The following CCBE1 variants were observed in gnomAD, a reference collection of about 807,000 sequenced individuals.
CCBE1 encodes the protein collagen and calcium-binding EGF domain-containing protein 1.
CCBE1 carries 37 observed loss-of-function variants against 50.0 expected under a neutral mutation model. The observed-to-expected ratio is 0.74, with a 90% confidence interval of 0.57 to 0.97. The LOEUF (loss-of-function observed/expected upper bound fraction) is 0.97. Among genes scored for constraint, CCBE1 ranks in the 50% least tolerant of loss-of-function variants. The pLI is 0.00. For missense variants in CCBE1, 538 were observed against 523.8 expected (o/e 1.03, Z -0.26); for synonymous variants, 234 against 203.7 (o/e 1.15, Z -1.27).
Position 59,543,317 on chromosome 18 carries a change from T to C in CCBE1, c.213-63079A>G, listed in dbSNP as rs996706862. ...CAGGCCTCTGCAAACATTCATTAAA[T>C]ATTATTTAGGGAAAGTTTTCAGTGA... On this transcript the variant is annotated intron_variant, in intron 2 of 10. Coordinates refer to ENST00000439986, the MANE Select transcript of CCBE1 (RefSeq NM_133459.4). Among the ~76,000 whole-genome samples the C allele has an allele frequency of 5.3e-5, 8 of 152,324 alleles. No homozygotes were observed. In the East Asian group the frequency reaches 7.7e-4, roughly 15 times the overall value.
At chr18:59,587,671 C>A (rs1040254343) in intron 2 of CCBE1, among the ~76,000 whole-genome samples, 10 of 152,122 alleles carry the variant, frequency 6.6e-5, no homozygotes, top group Non-Finnish European at 1.2e-4. Flanking sequence ...TCTATCGCCA[C>A]TCCTATTCAG....
rs1555710567 is a variant in CCBE1 at position 59,693,005 on chromosome 18, A to AC, written c.212+3623_212+3624insG. On this transcript the variant is annotated intron_variant, in intron 2 of 10. Transcript: ENST00000439986. The stretch of plus-strand genomic sequence containing the variant: ...ACACACACACACACACACACACACA[A>AC]ACAAAAAACGCAAAGCCAAACCTAT... Among the ~76,000 whole-genome samples, 17 of 142,136 alleles carry AC rather than the reference A, an allele frequency of 1.2e-4. No individual in the cohort carries two copies. The South Asian group carries it at 2.2e-3, about 18-fold the overall frequency. The allele number at this position is 142,136 out of a possible 152,430, so 93.2% of individuals were successfully genotyped here.
chr18:59,500,353 A>G (rs1913559325), intron 2 of CCBE1, among the ~76,000 whole-genome samples: 1 of 152,160 alleles, frequency 6.6e-6, no homozygotes. Context: ...TTGACCCTCA[A>G]AGCAGTGGGA....
chr18:59,486,753 C>G (rs1271581818), intron 2 of CCBE1, among the ~76,000 whole-genome samples: 1 of 152,174 alleles, frequency 6.6e-6, no homozygotes, highest in African/African-American at 2.4e-5. Context: ...AGAAGGAAGA[C>G]TTCCATCTTT....
At chr18:59,690,687 C>T (rs1404736307) in intron 2 of CCBE1, among the ~76,000 whole-genome samples, 1 of 152,170 alleles carries the variant, frequency 6.6e-6, no homozygotes, top group African/African-American at 2.4e-5. Flanking sequence ...GAAAGAGCAG[C>T]CTTTTGTGGT....
intron 6 of CCBE1, among the ~76,000 whole-genome samples, chr18:59,453,511 G>A (rs1321651902): frequency 1.3e-5 from 2 of 152,164 alleles, no homozygotes; most frequent in African/African-American, 4.8e-5. Flanking sequence ...ACATGTTTCT[G>A]TTAAGCAGAT....
upstream of CCBE1, chr18:59,697,438 G>A (rs1046766995): frequency 2.0e-6 from 3 of 1,479,086 alleles, no homozygotes; most frequent in Admixed American, 4.4e-5. Context: ...TTCCCGGCAG[G>A]GGGCGCCGGA....
chr18:59,509,464 T>G (rs1044107217), intron 2 of CCBE1, among the ~76,000 whole-genome samples: 1 of 152,210 alleles, frequency 6.6e-6, no homozygotes, highest in Non-Finnish European at 1.5e-5. Context: ...TTATTCTGAT[T>G]GTTGTGCATT....
intron 2 of CCBE1, among the ~76,000 whole-genome samples, chr18:59,539,392 C>A (rs1446748428): frequency 6.6e-6 from 1 of 152,120 alleles, no homozygotes; most frequent in Admixed American, 6.6e-5. Flanking sequence ...CCATGAGAAA[C>A]TGAATCCTGC....
chr18:59,650,842 G>C (rs536038136), intron 2 of CCBE1, among the ~76,000 whole-genome samples: 1 of 151,388 alleles, frequency 6.6e-6, no homozygotes, highest in African/African-American at 2.4e-5. Flanking sequence ...CTTAGTCCTC[G>C]GTGGCCAAGC....
chr18:59,651,706 T>A (rs1446432083), intron 2 of CCBE1, among the ~76,000 whole-genome samples: 1 of 152,178 alleles, frequency 6.6e-6, no homozygotes, highest in East Asian at 1.9e-4. Context: ...ACAAATAAAG[T>A]AGAACTAGTG....
At chr18:59,496,119 G>A (rs1199568747) in intron 2 of CCBE1, among the ~76,000 whole-genome samples, 1 of 152,162 alleles carries the variant, frequency 6.6e-6, no homozygotes, top group Non-Finnish European at 1.5e-5. Flanking sequence ...GTGCCTTGGT[G>A]TCTTAAGTCT....
chr18:59,548,737 A>C (rs1915803375), intron 2 of CCBE1, among the ~76,000 whole-genome samples: 1 of 18,818 alleles, frequency 5.3e-5, no homozygotes, highest in Non-Finnish European at 9.9e-5. Flanking sequence ...AGATTACCTG[A>C]GGTGTTCAAA....
At chr18:59,455,685 C>T (rs1044700964) in intron 5 of CCBE1, among the ~76,000 whole-genome samples, 4 of 152,238 alleles carry the variant, frequency 2.6e-5, no homozygotes, top group Non-Finnish European at 5.9e-5. Flanking sequence ...GAATGGCCTA[C>T]TTAAGCCTGC....
chr18:59,455,194 T>A (rs1442351382), intron 5 of CCBE1: 3 of 598,384 alleles, frequency 5.0e-6, no homozygotes, highest in Non-Finnish European at 9.2e-6. Flanking sequence ...TATTTAGACA[T>A]GCCAGGAAGA....
intron 2 of CCBE1, among the ~76,000 whole-genome samples, chr18:59,642,068 AT>A (rs1313021840): frequency 6.6e-6 from 1 of 152,158 alleles, no homozygotes; most frequent in Non-Finnish European, 1.5e-5. Flanking sequence ...TAAAATTCAA[AT>A]TTTTTTCATC....
chr18:59,663,294 T>G (rs180685370), intron 2 of CCBE1, among the ~76,000 whole-genome samples: 86 of 152,258 alleles, frequency 5.6e-4, no homozygotes, highest in Admixed American at 2.3e-3. Context: ...GCAGGTAATA[T>G]CTGAGCTTTA....
chr18:59,513,771 C>T (rs923394360), intron 2 of CCBE1, among the ~76,000 whole-genome samples: 3 of 152,178 alleles, frequency 2.0e-5, no homozygotes, highest in Non-Finnish European at 4.4e-5. Context: ...GTGCTTTGTA[C>T]CTCATATTAG....
Position 59,619,685 on chromosome 18 carries a change from G to GTCACATCT in CCBE1, c.212+76936_212+76943dup, listed in dbSNP as rs1485229845. ...GTTTTGTTCTTGTCTGGTCAGACTG[G>GTCACATCT]TCACATCTCATTATCCTTGTTTGGA... On this transcript the variant is annotated intron_variant, in intron 2 of 10. Transcript: ENST00000439986. Among the ~76,000 whole-genome samples the GTCACATCT allele has an allele frequency of 9.2e-5, 14 of 152,230 alleles. No individual in the cohort carries two copies. In the South Asian group the frequency reaches 2.9e-3, roughly 32 times the overall value.
Sources: allele counts gnomAD v4.1 joint callset (sites outside exome capture counted in the v4.1 genomes callset), GRCh38; gene constraint gnomAD v4.1.1; transcripts MANE v1.5; gene names NCBI Gene and HGNC (gene_info 2026-07-23, HGNC 2026-07-21).